MYOCD: variants seen among roughly 807,000 people sequenced by gnomAD.
MYOCD encodes myocardin.
MYOCD carries 32 observed loss-of-function variants against 96.1 expected under a neutral mutation model. The observed-to-expected ratio is 0.33, with a 90% CI of 0.25 to 0.45. MYOCD has a LOEUF of 0.45. MYOCD is among the 20% of genes least tolerant of loss of function. MYOCD has a pLI of 1.00. For missense variants in MYOCD, 1,133 were observed against 1,200.6 expected (o/e 0.94, Z 0.83); for synonymous variants, 469 against 469.0 (o/e 1.00, Z 0.00).
intron 9 of MYOCD, among the ~76,000 whole-genome samples, chr17:12,750,934 T>C (rs1290142421): frequency 6.6e-6 from 1 of 152,214 alleles, no homozygotes; most frequent in Non-Finnish European, 1.5e-5. Context: ...ATTAGCACAC[T>C]TGATACATTG....
chr17:12,686,598 G>A (rs190686630), intron 1 of MYOCD, among the ~76,000 whole-genome samples: 12 of 152,292 alleles, frequency 7.9e-5, no homozygotes, highest in South Asian at 4.1e-4. Flanking sequence ...AGGGCTTATC[G>A]TATCTGCAAA....
At chr17:12,761,028 C>T (rs2033154785) in intron 13 of MYOCD, 2 of 241,640 alleles carry the variant, frequency 8.3e-6, no homozygotes. Context: ...CTCAATGCCC[C>T]TACCTTCTCA....
chr17:12,667,832 T>A (rs779188593), intron 1 of MYOCD, among the ~76,000 whole-genome samples: 1 of 152,138 alleles, frequency 6.6e-6, no homozygotes, highest in Non-Finnish European at 1.5e-5. Context: ...AAGACCCTGA[T>A]CCTGGAGCTT....
chr17:12,680,434 A>G (rs1441813355), intron 1 of MYOCD, among the ~76,000 whole-genome samples: 1 of 152,168 alleles, frequency 6.6e-6, no homozygotes, highest in Non-Finnish European at 1.5e-5. Flanking sequence ...AAGCACTTGA[A>G]CTCAGATCTC....
chr17:12,678,408 C>T (rs572373015), intron 1 of MYOCD, among the ~76,000 whole-genome samples: 7 of 151,874 alleles, frequency 4.6e-5, no homozygotes, highest in African/African-American at 2.4e-5. Context: ...CCTCTGAAGA[C>T]AGTGCCAAGC....
chr17:12,736,109 C>A, intron 5 of MYOCD, 52 bp from the exon 6 acceptor site: 2 of 1,492,324 alleles, frequency 1.3e-6, no homozygotes, highest in South Asian at 1.2e-5. Flanking sequence ...TCCAAAAATG[C>A]CCTTTGATGC....
intron 1 of MYOCD, among the ~76,000 whole-genome samples, chr17:12,674,198 G>A (rs1441104315): frequency 2.6e-5 from 4 of 152,068 alleles, no homozygotes; most frequent in Non-Finnish European, 5.9e-5. Flanking sequence ...TTGTTCCACT[G>A]TCCCATGATG....
intron 1 of MYOCD, among the ~76,000 whole-genome samples, chr17:12,689,269 T>G (rs1330836584): frequency 6.6e-6 from 1 of 152,134 alleles, no homozygotes; most frequent in Non-Finnish European, 1.5e-5. Context: ...CTGTTGCTGG[T>G]GTAGGTATAA....
At chr17:12,763,017 G>C in intron 13 of MYOCD, 56 bp from the exon 14 acceptor site, 1 of 1,450,690 alleles carries the variant, frequency 6.9e-7, no homozygotes, top group South Asian at 1.3e-5. Flanking sequence ...CACTCATATT[G>C]TGTGGCATGC....
rs968620270 is a variant in MYOCD at position 12,736,356 on chromosome 17, A to T, written c.591+20A>T. ...AACCAGGTAAAAAACAAAACAAACA[A>T]ACGAAAAAAGTAAAACAGCATCTCA... On this transcript the variant is annotated intron_variant, in intron 6 of 13. Coordinates refer to ENST00000425538, the MANE Select transcript of MYOCD (RefSeq NM_001146312.3). 2 of 1,609,236 alleles carry T rather than the reference A, an allele frequency of 1.2e-6. No homozygotes were observed. The highest frequency in any genetic ancestry group is 2.7e-5 in the African/African-American group (2 of 74,676).
chr17:12,709,746 A>G (rs1233855), intron 2 of MYOCD, among the ~76,000 whole-genome samples: 119,570 of 152,080 alleles, frequency 0.79, 47,445 homozygotes, highest in African/African-American at 0.89. Context: ...GTTGCAAGAG[A>G]ACATCAAGGT....
Position 12,746,831 on chromosome 17 carries a change from C to T in MYOCD, c.1125+759C>T, listed in dbSNP as rs184566534. ...GCAAGCTCTGCTTCCCGGCTTCAAG[C>T]GATTCTCCTGCCTTAGCTTCCCTAG... On this transcript the variant is annotated intron_variant, in intron 9 of 13. Coordinates refer to ENST00000425538, the MANE Select transcript of MYOCD (RefSeq NM_001146312.3). Among the ~76,000 whole-genome samples, 565 of 145,886 alleles carry T rather than the reference C, an allele frequency of 3.9e-3. 3 individuals carry two copies. Among genetic ancestry groups the T allele is most frequent in the Non-Finnish European group, 4.3e-3 (287 of 67,176 alleles).
chr17:12,708,164 T>G (rs904851996), intron 2 of MYOCD, among the ~76,000 whole-genome samples: 11 of 152,098 alleles, frequency 7.2e-5, no homozygotes, highest in African/African-American at 2.4e-4. Context: ...GAAACTGAGG[T>G]TAAAGAGGCC....
chr17:12,677,839 C>T (rs1910178543), intron 1 of MYOCD, among the ~76,000 whole-genome samples: 2 of 151,638 alleles, frequency 1.3e-5, no homozygotes, highest in South Asian at 4.2e-4. Context: ...TGACCAGCCT[C>T]TCATGAATTT....
In MYOCD at chr17:12,756,415, A is replaced by T. The variant is rs555818447; in HGVS notation, c.2060A>T (p.Asn687Ile). Reference protein sequence around the residue: ...PISSQVCTAQNSGAHDGHPPS... With the variant: ...PISSQVCTAQISGAHDGHPPS... ...AATTTGTCACTTCTTCCTTTGCAGA[A>T]CTCAGGAGCACACGATGGCCATCCT... is the stretch of plus-strand genomic sequence containing the variant. The change falls in exon 11 of 14, where the codon AAC becomes ATC. Residue 687 changes from asparagine to isoleucine, a missense_variant and splice_region_variant. Asn to Ile is a moderately radical substitution (Grantham distance 149, BLOSUM62 -3). Coordinates refer to ENST00000425538, the MANE Select transcript of MYOCD (RefSeq NM_001146312.3). 6.4e-7 allele frequency: 1 copy of T among 1,552,136 alleles called. No homozygotes were observed. Among genetic ancestry groups the T allele is most frequent in the Admixed American group, 2.0e-5 (1 of 50,970 alleles).
rs747214561 is a variant in MYOCD at position 12,763,495 on chromosome 17, A to G, written c.2812A>G (p.Met938Val). 2 of 1,614,204 alleles carry G rather than the reference A, an allele frequency of 1.2e-6. No individual in the cohort carries two copies. Among genetic ancestry groups the G allele is most frequent in the Admixed American group, 3.3e-5 (2 of 60,018 alleles). The change falls in exon 14 of 14, where the codon ATG becomes GTG. Residue 938 changes from methionine to valine, a missense_variant. Coordinates refer to ENST00000425538, the MANE Select transcript of MYOCD (RefSeq NM_001146312.3). ...CTTCACTGAATCTCCCTGGGAAACC[A>G]TGGAGTGGCTGGACCTCACTCCGCC... Reference protein sequence around the residue: ...LSFTESPWETMEWLDLTPPNS... With the variant: ...LSFTESPWETVEWLDLTPPNS...
Position 12,746,887 on chromosome 17 carries a change from C to G in MYOCD, c.1125+815C>G, listed in dbSNP as rs552276751. On this transcript the variant is annotated intron_variant, in intron 9 of 13. Coordinates refer to ENST00000425538, the MANE Select transcript of MYOCD (RefSeq NM_001146312.3). The stretch of plus-strand genomic sequence containing the variant: ...GGGACTACAGGCACCTACCACTACA[C>G]CCAGCTAATTTTTGTATTTTTAGTA... Among the ~76,000 whole-genome samples the G allele has an allele frequency of 1.1e-4, 16 of 152,114 alleles. 1 individual carries two copies. In the South Asian group the frequency reaches 3.1e-3, roughly 30 times the overall value.
chr17:12,684,009 A>C (rs879311029), intron 1 of MYOCD, among the ~76,000 whole-genome samples: 1 of 152,204 alleles, frequency 6.6e-6, no homozygotes, highest in African/African-American at 2.4e-5. Context: ...GGCTACCAAT[A>C]ATCATAGTAA....
In MYOCD at chr17:12,766,126, C is replaced by T. The variant is rs2033332892; in HGVS notation, c.*2482C>T. ...TTGACAAAGCTTGCTGGTCAGTGCA[C>T]TTTTCAGGTGTCACGTTTTGCTGTT... On this transcript the variant is annotated 3_prime_UTR_variant, in exon 14 of 14. Transcript: ENST00000425538. The T allele has an allele frequency of 6.6e-6, 1 of 152,202 alleles. No individual in the cohort carries two copies. The highest frequency in any genetic ancestry group is 2.4e-5 in the African/African-American group (1 of 41,446). 9.4% of individuals were successfully genotyped at this position (152,202 alleles called of 1,614,324 possible).
Sources: allele counts gnomAD v4.1 joint callset (sites outside exome capture counted in the v4.1 genomes callset), GRCh38; gene constraint gnomAD v4.1.1; transcripts MANE v1.5; gene names NCBI Gene and HGNC (gene_info 2026-07-23, HGNC 2026-07-21).